The following NIN variants were observed in gnomAD, a reference collection of about 807,000 sequenced individuals.
The protein encoded by NIN is glycogen synthase kinase 3 beta-interacting protein.
NIN carries 137 observed loss-of-function variants against 257.6 expected under a neutral mutation model. The ratio of observed to expected loss-of-function variants is 0.53; its 90% CI spans 0.46 to 0.61. The LOEUF is 0.61. Among genes scored for constraint, NIN ranks in the 20% least tolerant of loss-of-function variants. NIN has a pLI of 0.00. For synonymous variants in NIN, 918 were observed against 919.8 expected (o/e 1.00, Z 0.04); for missense variants, 2,439 against 2,501.2 (o/e 0.98, Z 0.53).
In NIN at chr14:50,758,631, CTAAATA is replaced by C. The variant is rs2042144567; in HGVS notation, c.2400-7_2400-2del. Reference sequence around the variant, plus strand: ...ATTACACTCTGTTTCCATTTTTTCCCTAAATATAGTCAACATACAGCATTATTGAAA... The same window carrying C: ...ATTACACTCTGTTTCCATTTTTTCCCTAGTCAACATACAGCATTATTGAAA... On this transcript the variant is annotated splice_acceptor_variant and splice_polypyrimidine_tract_variant and intron_variant, in intron 17 of 30. Coordinates refer to ENST00000530997, the MANE Select transcript of NIN (RefSeq NM_020921.4). LOFTEE classifies it high-confidence loss of function. 6.4e-7 allele frequency: 1 copy of C among 1,551,480 alleles called. No homozygotes were observed. Among genetic ancestry groups the C allele is most frequent in the Non-Finnish European group, 8.7e-7 (1 of 1,151,024 alleles).
intron 21 of NIN, among the ~76,000 whole-genome samples, chr14:50,750,041 C>G (rs1447920154): frequency 6.6e-6 from 1 of 151,998 alleles, no homozygotes. Flanking sequence ...TTATTTTATT[C>G]TATACTATCA....
chr14:50,753,893 T>G (rs1349674484), intron 20 of NIN, among the ~76,000 whole-genome samples: 1 of 152,204 alleles, frequency 6.6e-6, no homozygotes, highest in Non-Finnish European at 1.5e-5. Context: ...TTTTTTTTTC[T>G]GTGACTTGAC....
intron 4 of NIN, among the ~76,000 whole-genome samples, chr14:50,803,882 CT>C (rs907379305): frequency 6.9e-5 from 10 of 144,640 alleles, no homozygotes; most frequent in South Asian, 2.3e-4. Context: ...GGTAGAGTCA[CT>C]TTTTTTTTTC....
chr14:50,799,544 A>C (rs1051433934), intron 4 of NIN, among the ~76,000 whole-genome samples: 1 of 152,156 alleles, frequency 6.6e-6, no homozygotes, highest in African/African-American at 2.4e-5. Context: ...AGCTGCTCTG[A>C]TCTTATTCTT....
In NIN at chr14:50,759,966, G is replaced by C. The variant is rs748385980; in HGVS notation, c.2290C>G (p.Gln764Glu). Residue 764 changes from glutamine to glutamate, a missense_variant, in exon 17 of 31, where the codon CAG (glutamine) becomes GAG (glutamate). By Grantham distance (29) the Gln-to-Glu change is conservative (BLOSUM62 2). Coordinates refer to ENST00000530997, the MANE Select transcript of NIN (RefSeq NM_020921.4). ...CTTGTCAGCTGCTCCTGGTGAAACT[G>C]CTCTAGTTCCTGAGTCAAGCCTCTC... ...KVRGLTQELE[Q>E]FHQEQLTSLV... The C allele has an allele frequency of 1.9e-6, 3 of 1,614,172 alleles. No individual in the cohort carries two copies. The South Asian group carries it at 3.3e-5, about 18-fold the overall frequency.
At chr14:50,789,947 AC>A (rs1258203380) in intron 5 of NIN, among the ~76,000 whole-genome samples, 1 of 152,266 alleles carries the variant, frequency 6.6e-6, no homozygotes, top group Non-Finnish European at 1.5e-5. Context: ...ATTCCTGCAT[AC>A]ACAGGTGTGA....
intron 14 of NIN, 51 bp from the exon 15 acceptor site, chr14:50,764,015 G>T: frequency 6.7e-7 from 1 of 1,489,202 alleles, no homozygotes; most frequent in Non-Finnish European, 9.3e-7. Context: ...AAAAGCATAA[G>T]CAACAACAAC....
Position 50,760,088 on chromosome 14 carries a change from T to C in NIN, c.2168A>G (p.His723Arg). Residue 723 changes from histidine (H) to arginine (R), a missense_variant, in exon 17 of 31, where the codon CAT (histidine) becomes CGT (arginine). His to Arg is a conservative substitution (Grantham distance 29). Coordinates refer to ENST00000530997, the MANE Select transcript of NIN (RefSeq NM_020921.4). ...CAGTCTAGCCTTGAGCTCCATCTCA[T>C]GTTGCAGCCTCAGCTTCTCCTGCAG... Reference protein sequence around the residue: ...THLQEKLRLQHEMELKARLTQ... With the variant: ...THLQEKLRLQREMELKARLTQ... 1.2e-6 allele frequency: 2 copies of C among 1,614,182 alleles called. No homozygotes were observed. The highest frequency in any genetic ancestry group is 1.1e-5 in the South Asian group (1 of 91,082).
chr14:50,823,989 G>A (rs779023763), intron 2 of NIN, among the ~76,000 whole-genome samples: 1 of 152,210 alleles, frequency 6.6e-6, no homozygotes, highest in Non-Finnish European at 1.5e-5. Context: ...TGTCAACTAA[G>A]ATCTGCTGAG....
intron 5 of NIN, among the ~76,000 whole-genome samples, chr14:50,791,520 C>T (rs768162746): frequency 2.0e-5 from 3 of 151,718 alleles, no homozygotes; most frequent in Admixed American, 6.6e-5. Context: ...GCCACTGCTG[C>T]TTCACTTGTG....
chr14:50,739,471 A>G lies in NIN; in HGVS notation c.5465T>C (p.Ile1822Thr), dbSNP rs745595082. ...ATGGAGCCCTGATGGATGAGTAGCT[A>G]TCTCTGGGGCCCAGCTCTTAAGAGA... ...NAGGKSWAPEIATHPSGLHNQ... is the reference protein window; with the variant it reads ...NAGGKSWAPETATHPSGLHNQ... Residue 1822 changes from isoleucine (I) to threonine (T), a missense_variant, in exon 26 of 31, where the codon ATA (isoleucine) becomes ACA (threonine). By Grantham distance (89) the Ile-to-Thr change is moderately conservative. This residue lies in a region of NIN where 2,043 missense variants were observed against 2,050.2 expected (regional missense o/e 1.00). Transcript: ENST00000530997. 2 of 1,614,092 alleles carry G rather than the reference A, an allele frequency of 1.2e-6. No individual in the cohort carries two copies. The highest frequency in any genetic ancestry group is 4.5e-5 in the East Asian group (2 of 44,902).
chr14:50,777,985 G>A (rs902473137), intron 6 of NIN, among the ~76,000 whole-genome samples: 15 of 152,136 alleles, frequency 9.9e-5, no homozygotes, highest in Non-Finnish European at 2.2e-4. Flanking sequence ...CTGCTGTGGC[G>A]TTTCAACCTA....
At position 50,723,576 on chromosome 14, in the gene NIN, T is replaced by C. The variant is rs945009763; in HGVS notation, c.6289A>G (p.Lys2097Glu). The change falls in exon 31 of 31, where the codon AAA (lysine) becomes GAA (glutamate). Residue 2097 changes from lysine (K) to glutamate (E), a missense_variant. By Grantham distance (56) the Lys-to-Glu change is moderately conservative. This residue lies in a region of NIN where 2,043 missense variants were observed against 2,050.2 expected (regional missense o/e 1.00). Coordinates refer to ENST00000530997, the MANE Select transcript of NIN (RefSeq NM_020921.4). ...AGGTAATTTTTCTTCTCTGCTGTTT[T>C]CTGTCGCTGTTCAGTCACTTCCAGA... The part of the protein sequence containing the change: ...KALEVTEQRQ[K>E]TAEKKNYLLE... 5 of 1,613,854 alleles carry C rather than the reference T, an allele frequency of 3.1e-6. No individual in the cohort carries two copies. Among genetic ancestry groups the C allele is most frequent in the Non-Finnish European group, 4.2e-6 (5 of 1,179,872 alleles).
At chr14:50,793,544 GTAT>G (rs890927482) in intron 4 of NIN, among the ~76,000 whole-genome samples, 3 of 152,142 alleles carry the variant, frequency 2.0e-5, no homozygotes. Context: ...AAAAAAAATT[GTAT>G]TATTTTATCT....
At chr14:50,828,275 G>C (rs1458820182) in intron 2 of NIN, among the ~76,000 whole-genome samples, 1 of 152,148 alleles carries the variant, frequency 6.6e-6, no homozygotes. Flanking sequence ...TTTTTAAAGT[G>C]AGAATTAGGG....
rs772343608 is a variant in NIN at position 50,756,764 on chromosome 14, C to G, written c.4266G>C (p.Arg1422Ser). The change falls in exon 18 of 31, where the codon AGG (arginine) becomes AGC (serine). Residue 1422 changes from arginine to serine, a missense_variant. Arg to Ser is a moderately radical substitution (Grantham distance 110). Coordinates refer to ENST00000530997, the MANE Select transcript of NIN (RefSeq NM_020921.4). Reference protein sequence around the residue: ...LHGTIQTHQERPRVQNQVILE... With the variant: ...LHGTIQTHQESPRVQNQVILE... ...GTATAACTTGATTCTGTACTCTTGG[C>G]CTTTCTTGATGTGTCTGAATTGTTC... 6.4e-7 allele frequency: 1 copy of G among 1,551,524 alleles called. No individual in the cohort carries two copies. Among genetic ancestry groups the G allele is most frequent in the Non-Finnish European group, 8.7e-7 (1 of 1,146,968 alleles).
chr14:50,735,457 T>G, intron 28 of NIN, 59 bp downstream of exon 28: 1 of 1,579,228 alleles, frequency 6.3e-7, no homozygotes, highest in East Asian at 2.3e-5. Context: ...TCCCAACAAA[T>G]ACCTCATTCA....
chr14:50,738,322 TACAATC>T (rs764535399), intron 26 of NIN, 36 bp from the exon 27 acceptor site: 1 of 1,594,196 alleles, frequency 6.3e-7, no homozygotes, highest in East Asian at 2.2e-5. Flanking sequence ...AAAATGCTAA[TACAATC>T]ACCCAGCCAG....
chr14:50,756,502 C>A lies in NIN; in HGVS notation c.4528G>T (p.Glu1510Ter), dbSNP rs756920473. The change falls in exon 18 of 31, where the codon GAA (glutamate) becomes TAA (stop). Residue 1510 changes from glutamate to a stop codon, truncating the protein, a stop_gained. Transcript: ENST00000530997. LOFTEE classifies it high-confidence loss of function. Reference sequence around the variant, plus strand: ...AGGTACATACATTACCTCAGAAGTTCAACTTTTTGCTGCATCTCACTGCAC... The same window carrying A: ...AGGTACATACATTACCTCAGAAGTTAAACTTTTTGCTGCATCTCACTGCAC... ...ITCSEMQQKVELLRYESEKLQ... is the reference protein window; with the variant it reads ...ITCSEMQQKV 1.3e-6 allele frequency: 2 copies of A among 1,598,626 alleles called. No homozygotes were observed. Among genetic ancestry groups the A allele is most frequent in the South Asian group, 2.3e-5 (2 of 88,202 alleles).
Sources: gnomAD v4.1 joint callset for allele counts (sites outside exome capture counted in the v4.1 genomes callset) on GRCh38, gnomAD v4.1.1 for gene constraint, gnomAD v4.1.1 regional missense constraint, MANE v1.5 for transcripts, NCBI Gene and HGNC (gene_info 2026-07-23, HGNC 2026-07-21) for gene names.